MEGF10: variants seen among roughly 807,000 people sequenced by gnomAD.
MEGF10 encodes multiple epidermal growth factor-like domains protein 10.
In MEGF10, 86 loss-of-function variants were observed where a neutral mutation model predicts 147.5. The observed-to-expected ratio is 0.58, with a 90% CI of 0.49 to 0.70. The LOEUF (loss-of-function observed/expected upper bound fraction) is 0.70, where lower values mean the gene tolerates loss of function less well. Ranked by LOEUF, MEGF10 falls within the 30% of genes least tolerant of loss-of-function variation. The pLI is 0.00. For missense variants in MEGF10, 1,329 were observed against 1,487.3 expected (o/e 0.89, Z 1.75); for synonymous variants, 478 against 525.5 (o/e 0.91, Z 1.24).
At chr5:127,315,780 AC>A (rs1476906992) in intron 1 of MEGF10, among the ~76,000 whole-genome samples, 1 of 152,184 alleles carries the variant, frequency 6.6e-6, no homozygotes, top group East Asian at 1.9e-4. Context: ...TCTTAAAAAA[AC>A]AAACCAAAAC....
intron 5 of MEGF10, among the ~76,000 whole-genome samples, chr5:127,395,664 C>G (rs1763882817): frequency 6.6e-6 from 1 of 151,434 alleles, no homozygotes; most frequent in Non-Finnish European, 1.5e-5. Context: ...CCTGCCTCAG[C>G]CTCCCGAGTA....
chr5:127,308,875 TAAA>T (rs1240995602), intron 1 of MEGF10, among the ~76,000 whole-genome samples: 1 of 151,818 alleles, frequency 6.6e-6, no homozygotes, highest in Non-Finnish European at 1.5e-5. Flanking sequence ...AAAAAAATAA[TAAA>T]AATAAATAAA....
At chr5:127,245,247 A>G in the MEGF10 span, among the ~76,000 whole-genome samples, 1 of 152,198 alleles carries the variant, frequency 6.6e-6, no homozygotes, top group Admixed American at 6.5e-5. Context: ...TGCTACTGGT[A>G]CCAAAACAGA....
Position 127,397,087 on chromosome 5 carries a change from G to A in MEGF10, c.659+309G>A, listed in dbSNP as rs570997251. On this transcript the variant is annotated intron_variant, in intron 6 of 24. Coordinates refer to ENST00000503335, the MANE Select transcript of MEGF10 (RefSeq NM_001256545.2). ...ATGGCACTATTTGGGGGTTGTTGGGGCATATTTGGGATTCTGTTTGGATCT... is the reference window on the plus strand; with the variant it reads ...ATGGCACTATTTGGGGGTTGTTGGGACATATTTGGGATTCTGTTTGGATCT... Among the ~76,000 whole-genome samples, 195 of 152,226 alleles carry A rather than the reference G, an allele frequency of 1.3e-3. 1 individual carries two copies. Among genetic ancestry groups the A allele is most frequent in the African/African-American group, 4.5e-3 (187 of 41,528 alleles).
Position 127,420,158 on chromosome 5 carries a change from G to T in MEGF10, c.1541G>T (p.Cys514Phe). ...GGACNTLDGT[C>F]TCAPGWRGEK... ...GCCTGCAACACCCTGGACGGGACCT[G>T]CACGTGTGCACCTGGATGGCGCGGG... Residue 514 changes from cysteine to phenylalanine, a missense_variant, in exon 12 of 25, where the codon TGC becomes TTC. Cys to Phe is a radical substitution (Grantham distance 205, BLOSUM62 -2). Coordinates refer to ENST00000503335, the MANE Select transcript of MEGF10 (RefSeq NM_001256545.2). The T allele has an allele frequency of 6.2e-7, 1 of 1,614,218 alleles. No homozygotes were observed. The highest frequency in any genetic ancestry group is 8.5e-7 in the Non-Finnish European group (1 of 1,180,036).
At chr5:127,305,923 G>C (rs548548037) in intron 1 of MEGF10, among the ~76,000 whole-genome samples, 2 of 152,332 alleles carry the variant, frequency 1.3e-5, no homozygotes, top group East Asian at 3.9e-4. Flanking sequence ...TCTTCAGAAA[G>C]TGATCACCTT....
At chr5:127,401,092 T>C (rs1041458589) in intron 7 of MEGF10, among the ~76,000 whole-genome samples, 4 of 152,192 alleles carry the variant, frequency 2.6e-5, no homozygotes, top group African/African-American at 9.6e-5. Flanking sequence ...TGTGGGACCA[T>C]TGTGGGTAGT....
the MEGF10 span, among the ~76,000 whole-genome samples, chr5:127,272,864 T>C: frequency 1.3e-5 from 2 of 152,218 alleles, no homozygotes; most frequent in Admixed American, 6.5e-5. Context: ...TAGGAGCATG[T>C]CATCTGCAAA....
the MEGF10 span, among the ~76,000 whole-genome samples, chr5:127,283,447 G>C: frequency 6.6e-6 from 1 of 152,166 alleles, no homozygotes; most frequent in Non-Finnish European, 1.5e-5. Flanking sequence ...CTACTTCCAA[G>C]CATGATCCCA....
In MEGF10 at chr5:127,445,544, C is replaced by T. The variant is rs777294451; in HGVS notation, c.2579C>T (p.Ala860Val). Residue 860 changes from alanine (A) to valine (V), a missense_variant, in exon 20 of 25, where the codon GCA becomes GTA. Coordinates refer to ENST00000503335, the MANE Select transcript of MEGF10 (RefSeq NM_001256545.2). Reference protein sequence around the residue: ...PADSYQIGAIAGIIILVLVVL... With the variant: ...PADSYQIGAIVGIIILVLVVL... The stretch of plus-strand genomic sequence containing the variant: ...GATTCCTACCAGATCGGGGCCATTG[C>T]AGGCATCATCATTCTTGTCCTAGTT... 5.0e-6 allele frequency: 8 copies of T among 1,614,112 alleles called. No individual in the cohort carries two copies. The Admixed American group carries it at 1.3e-4, about 27-fold the overall frequency.
the MEGF10 span, among the ~76,000 whole-genome samples, chr5:127,273,507 C>G: frequency 2.0e-5 from 3 of 152,294 alleles, no homozygotes; most frequent in East Asian, 5.8e-4. Flanking sequence ...CATCTTGGAT[C>G]CCTTGAATTC....
the MEGF10 span, among the ~76,000 whole-genome samples, chr5:127,247,428 GAA>G: frequency 1.1e-5 from 1 of 94,280 alleles, no homozygotes; most frequent in Non-Finnish European, 2.1e-5. Flanking sequence ...AGAAGAAGAA[GAA>G]GAAGAAGAAG....
In MEGF10 at chr5:127,435,433, C is replaced by T; in HGVS notation, c.2048C>T (p.Pro683Leu). ...CTCTNNGTCNPIDRSCQCYPG... is the reference protein window; with the variant it reads ...CTCTNNGTCNLIDRSCQCYPG... Reference sequence around the variant, plus strand: ...TGCACCAACAACGGAACCTGTAACCCCATTGACAGATCTTGTCAGTGTTAC... The same window carrying T: ...TGCACCAACAACGGAACCTGTAACCTCATTGACAGATCTTGTCAGTGTTAC... The change falls in exon 16 of 25, where the codon CCC becomes CTC. Residue 683 changes from proline to leucine, a missense_variant. Physicochemically the swap from Pro to Leu is moderately conservative, Grantham distance 98. Coordinates refer to ENST00000503335, the MANE Select transcript of MEGF10 (RefSeq NM_001256545.2). 1 of 1,614,038 alleles carries T rather than the reference C, an allele frequency of 6.2e-7. No individual in the cohort carries two copies. The highest frequency in any genetic ancestry group is 8.5e-7 in the Non-Finnish European group (1 of 1,179,950).
chr5:127,329,966 A>G lies in MEGF10; in HGVS notation c.-18-1325A>G, dbSNP rs368696094. 7.9e-5 allele frequency among the ~76,000 whole-genome samples: 12 copies of G among 152,260 alleles called. No individual in the cohort carries two copies. In the South Asian group the frequency reaches 2.5e-3, roughly 32 times the overall value. On this transcript the variant is annotated intron_variant, in intron 1 of 24. Coordinates refer to ENST00000503335, the MANE Select transcript of MEGF10 (RefSeq NM_001256545.2). ...TCGTATGTGTTCAATAAATGCTTGT[A>G]GGTGGCTTTGCTTGATGATATCAGA...
At chr5:127,288,830 CATCATTTGGTA>C (rs1759112646), upstream of MEGF10, among the ~76,000 whole-genome samples, 1 of 152,164 alleles carries the variant, frequency 6.6e-6, no homozygotes, top group Non-Finnish European at 1.5e-5. Flanking sequence ...CCCCAATGTC[CATCATTTGGTA>C]AACTGGCAAA....
At chr5:127,240,462 T>C in the MEGF10 span, among the ~76,000 whole-genome samples, 1 of 152,212 alleles carries the variant, frequency 6.6e-6, no homozygotes, top group African/African-American at 2.4e-5. Context: ...TCATACATTT[T>C]TAACTATTTT....
chr5:127,442,998 A>T lies in MEGF10; in HGVS notation c.2363A>T (p.Lys788Met), dbSNP rs1200074021. ...GCTACATTTGACTTTCCTTCTCTAG[A>T]GTGCCCTTCAGGAACATATGGCTAT... ...TGFMGRHCEQ[K>M]CPSGTYGYGC... Residue 788 changes from lysine (K) to methionine (M), a missense_variant and splice_region_variant, in exon 19 of 25, where the codon AAG (lysine) becomes ATG (methionine). Transcript: ENST00000503335. 6.2e-7 allele frequency: 1 copy of T among 1,611,024 alleles called. No individual in the cohort carries two copies.
chr5:127,410,456 G>A lies in MEGF10; in HGVS notation c.985G>A (p.Gly329Arg), dbSNP rs148583278. The stretch of plus-strand genomic sequence containing the variant: ...TGCTGAGACCTGCCAGTGTGTCAAC[G>A]GAGGGAAGTGTTACCACGTGAGCGG... ...LCAETCQCVN[G>R]GKCYHVSGAC... The change falls in exon 9 of 25, where the codon GGA becomes AGA. Residue 329 changes from glycine to arginine, a missense_variant. Physicochemically the swap from Gly to Arg is moderately radical, Grantham distance 125. This residue lies in a region of MEGF10 where 980 missense variants were observed against 1,085.9 expected (regional missense o/e 0.90). Coordinates refer to ENST00000503335, the MANE Select transcript of MEGF10 (RefSeq NM_001256545.2). The A allele has an allele frequency of 1.2e-5, 19 of 1,614,206 alleles. No individual in the cohort carries two copies. Among genetic ancestry groups the A allele is most frequent in the Admixed American group, 1.7e-5 (1 of 60,032 alleles).
At chr5:127,419,787 C>G (rs978029384) in intron 11 of MEGF10, among the ~76,000 whole-genome samples, 18 of 152,286 alleles carry the variant, frequency 1.2e-4, no homozygotes, top group African/African-American at 3.4e-4. Context: ...CTCTATATCT[C>G]TTTTTCAGTA....
Sources: allele counts gnomAD v4.1 joint callset (sites outside exome capture counted in the v4.1 genomes callset), GRCh38; gene constraint gnomAD v4.1.1; regional missense constraint gnomAD v4.1.1; transcripts MANE v1.5; gene names NCBI Gene and HGNC (gene_info 2026-07-23, HGNC 2026-07-21).